AKAP6: variants seen among roughly 807,000 people sequenced by gnomAD.
The protein encoded by AKAP6 is A-kinase anchoring protein 6.
In AKAP6, 58 loss-of-function variants were observed where a neutral mutation model predicts 188.5. That is an observed-to-expected ratio of 0.31 (90% confidence interval 0.25 to 0.38). The LOEUF is 0.38. Among genes scored for constraint, AKAP6 ranks in the 10% least tolerant of loss-of-function variants. The probability of loss-of-function intolerance (pLI) is 1.00; values close to 1 mark genes in which losing one functional copy is unlikely to be tolerated. For missense variants in AKAP6, 2,710 were observed against 2,740.0 expected, an observed-to-expected ratio of 0.99 and a Z score of 0.24; for synonymous variants, 989 against 998.6, an observed-to-expected ratio of 0.99 and a Z score of 0.18.
intron 1 of AKAP6, among the ~76,000 whole-genome samples, chr14:32,382,080 C>T (rs1888381375): frequency 6.6e-6 from 1 of 152,292 alleles, no homozygotes; most frequent in Non-Finnish European, 1.5e-5. Flanking sequence ...ATTAGTAATA[C>T]CTTACAAGAT....
chr14:32,833,897 G>A lies in AKAP6; in HGVS notation c.*4092G>A, dbSNP rs946650795. 6.6e-6 allele frequency: 1 copy of A among 151,812 alleles called. No homozygotes were observed. The highest frequency in any genetic ancestry group is 2.4e-5 in the African/African-American group (1 of 41,282). 9.4% of individuals were successfully genotyped at this position (151,812 alleles called of 1,614,324 possible). On this transcript the variant is annotated 3_prime_UTR_variant, in exon 14 of 14. Coordinates refer to ENST00000280979, the MANE Select transcript of AKAP6 (RefSeq NM_004274.5). ...GTTGAGAGTAGAACAAAGATACTTGGTACTCATCCCTCAGGTTCATTTATT... is the reference window on the plus strand; with the variant it reads ...GTTGAGAGTAGAACAAAGATACTTGATACTCATCCCTCAGGTTCATTTATT...
chr14:32,415,383 G>A (rs1409245831), intron 1 of AKAP6, among the ~76,000 whole-genome samples: 1 of 100,374 alleles, frequency 1.0e-5, no homozygotes, highest in Non-Finnish European at 2.6e-5. Context: ...ATTAATTCAT[G>A]TATTAACTTG....
intron 7 of AKAP6, among the ~76,000 whole-genome samples, chr14:32,629,283 A>C (rs1007774739): frequency 1.3e-5 from 2 of 152,028 alleles, no homozygotes; most frequent in Admixed American, 6.6e-5. Context: ...CCTTTGGAAA[A>C]GAACTTAAGC....
intron 7 of AKAP6, among the ~76,000 whole-genome samples, chr14:32,657,835 T>C (rs1888517170): frequency 7.7e-6 from 1 of 130,408 alleles, no homozygotes; most frequent in African/African-American, 3.2e-5. Context: ...TTCATTAAAG[T>C]AATAAAAAAA....
chr14:32,431,843 A>T (rs1269799444), intron 1 of AKAP6, among the ~76,000 whole-genome samples: 1 of 152,176 alleles, frequency 6.6e-6, no homozygotes, highest in Non-Finnish European at 1.5e-5. Flanking sequence ...CAAAAGTTAG[A>T]TGCCTGAGAA....
chr14:32,833,702 T>G lies in AKAP6; in HGVS notation c.*3897T>G, dbSNP rs71419930. 6.6e-6 allele frequency: 1 copy of G among 152,236 alleles called. No homozygotes were observed. Among genetic ancestry groups the G allele is most frequent in the Admixed American group, 6.5e-5 (1 of 15,286 alleles). The allele number at this position is 152,236 out of a possible 1,614,324, so 9.4% of individuals were successfully genotyped here. A position where few individuals can be genotyped will look rare whatever the true frequency, so the allele number is the denominator to read the frequency against. Reference sequence around the variant, plus strand: ...TCTTACAAGTCAATTTGCTTTAGCTTCCAAAAGAAGTTGAAATTTTTTAGA... The same window carrying G: ...TCTTACAAGTCAATTTGCTTTAGCTGCCAAAAGAAGTTGAAATTTTTTAGA... On this transcript the variant is annotated 3_prime_UTR_variant, in exon 14 of 14. Coordinates refer to ENST00000280979, the MANE Select transcript of AKAP6 (RefSeq NM_004274.5).
At chr14:32,462,805 T>C (rs1891373600) in intron 2 of AKAP6, among the ~76,000 whole-genome samples, 1 of 151,272 alleles carries the variant, frequency 6.6e-6, no homozygotes, top group African/African-American at 2.4e-5. Context: ...CCAAGACCTA[T>C]TGGTGTGCTG....
chr14:32,665,799 G>A (rs1199822499), intron 7 of AKAP6, among the ~76,000 whole-genome samples: 1 of 152,140 alleles, frequency 6.6e-6, no homozygotes, highest in Non-Finnish European at 1.5e-5. Flanking sequence ...AGGAGCTCTG[G>A]ATGAAAACCA....
intron 7 of AKAP6, among the ~76,000 whole-genome samples, chr14:32,614,972 C>T (rs532470694): frequency 1.9e-4 from 29 of 151,548 alleles, no homozygotes; most frequent in Admixed American, 3.3e-4. Flanking sequence ...AGATCGAGAC[C>T]ATCCTGGCCA....
At position 32,624,414 on chromosome 14, in the gene AKAP6, G is replaced by A. The variant is rs925006098; in HGVS notation, c.2730+23622G>A. On this transcript the variant is annotated intron_variant, in intron 7 of 13. Coordinates refer to ENST00000280979, the MANE Select transcript of AKAP6 (RefSeq NM_004274.5). ...AGCATGGTTGATGGTTGTTACCTAA[G>A]CCCATAATAACATTTTAAATTGCTT... Among the ~76,000 whole-genome samples, 8 of 152,250 alleles carry A rather than the reference G, an allele frequency of 5.3e-5. No homozygotes were observed. In the East Asian group the frequency reaches 1.5e-3, roughly 29 times the overall value.
chr14:32,342,680 T>C (rs969902648), intron 1 of AKAP6, among the ~76,000 whole-genome samples: 3 of 152,104 alleles, frequency 2.0e-5, no homozygotes, highest in Non-Finnish European at 4.4e-5. Flanking sequence ...TAGTGCACTG[T>C]GGTAAAGAGA....
In AKAP6 at chr14:32,732,534, C is replaced by T. The variant is rs368446820; in HGVS notation, c.3081C>T (p.Gly1027=). ...LSKVEALKKG[G]VLLPNDLLEK... ...AGGTTGAAGCTTTGAAGAAAGGTGG[C>T]GTTTTACTACCAAATGATCTCCTTG... The change falls in exon 10 of 14, where the codon GGC becomes GGT. Residue 1027 remains glycine (G), a synonymous_variant. Coordinates refer to ENST00000280979, the MANE Select transcript of AKAP6 (RefSeq NM_004274.5). 7.4e-6 allele frequency: 12 copies of T among 1,613,346 alleles called. No homozygotes were observed. Among genetic ancestry groups the T allele is most frequent in the South Asian group, 3.3e-5 (3 of 91,070 alleles).
In AKAP6 at chr14:32,698,163, A is replaced by C. The variant is rs1890478811; in HGVS notation, c.3000+2053A>C. ...AGAATAACCCTGAGGATATTGACTG[A>C]GGAGTCATGTAGAACTTCAGGTGGC... On this transcript the variant is annotated intron_variant, in intron 9 of 13. Coordinates refer to ENST00000280979, the MANE Select transcript of AKAP6 (RefSeq NM_004274.5). 1.3e-5 allele frequency among the ~76,000 whole-genome samples: 2 copies of C among 152,152 alleles called. 1 individual carries two copies. Among genetic ancestry groups the C allele is most frequent in the South Asian group, 4.1e-4 (2 of 4,834 alleles).
intron 2 of AKAP6, among the ~76,000 whole-genome samples, chr14:32,522,592 C>T (rs914601610): frequency 1.3e-5 from 2 of 152,156 alleles, no homozygotes; most frequent in Admixed American, 6.5e-5. Context: ...GAAAAAAATG[C>T]TCATCATCAC....
intron 2 of AKAP6, among the ~76,000 whole-genome samples, chr14:32,499,869 A>G (rs1036883376): frequency 3.3e-5 from 5 of 152,058 alleles, no homozygotes; most frequent in Non-Finnish European, 5.9e-5. Context: ...TAGTTGATGA[A>G]TACTCATTCA....
At chr14:32,753,578 A>C (rs1566687820) in intron 11 of AKAP6, among the ~76,000 whole-genome samples, 1 of 152,080 alleles carries the variant, frequency 6.6e-6, no homozygotes, top group Non-Finnish European at 1.5e-5. Context: ...CATATCCCAA[A>C]ACTCGTTCAG....
At chr14:32,548,731 T>A (rs1476824296) in intron 4 of AKAP6, among the ~76,000 whole-genome samples, 4 of 152,152 alleles carry the variant, frequency 2.6e-5, no homozygotes, top group Admixed American at 1.3e-4. Context: ...CGTCTTCTGA[T>A]TCTTAGTCCA....
In AKAP6 at chr14:32,821,424, C is replaced by T. The variant is rs780724929; in HGVS notation, c.3611C>T (p.Pro1204Leu). ...CAGGAGACTTTGAATGTGATTGATC[C>T]TGGCTTGATGGACCTAAATGGGATG... is the stretch of plus-strand genomic sequence containing the variant. ...KESETLNVID[P>L]GLMDLNGMSE... Residue 1204 changes from proline (P) to leucine (L), a missense_variant, in exon 13 of 14, where the codon CCT becomes CTT. Physicochemically the swap from Pro to Leu is moderately conservative, Grantham distance 98. This residue lies in a region of AKAP6 where 2,473 missense variants were observed against 2,426.1 expected (regional missense o/e 1.02). Transcript: ENST00000280979. The T allele has an allele frequency of 6.8e-6, 11 of 1,610,890 alleles. No individual in the cohort carries two copies. Among genetic ancestry groups the T allele is most frequent in the Middle Eastern group, 3.3e-4 (2 of 6,064 alleles).
intron 8 of AKAP6, among the ~76,000 whole-genome samples, chr14:32,690,246 G>A (rs1028203685): frequency 3.3e-5 from 5 of 151,452 alleles, no homozygotes; most frequent in Non-Finnish European, 5.9e-5. Flanking sequence ...ATTCCTTAGT[G>A]AGCCCAGTTG....
Sources: allele counts gnomAD v4.1 joint callset (sites outside exome capture counted in the v4.1 genomes callset), GRCh38; gene constraint gnomAD v4.1.1; regional missense constraint gnomAD v4.1.1; transcripts MANE v1.5; gene names NCBI Gene and HGNC (gene_info 2026-07-23, HGNC 2026-07-21).